The following RP1L1 variants were observed in gnomAD, a reference collection of about 807,000 sequenced individuals.
RP1L1 encodes retinitis pigmentosa 1-like 1 protein.
RP1L1 carries 27 observed loss-of-function variants against 15.7 expected under a neutral mutation model. That is an observed-to-expected ratio of 1.72 (90% confidence interval 1.27 to 2.38). The LOEUF (loss-of-function observed/expected upper bound fraction) is 2.38. Among genes scored for constraint, RP1L1 ranks in the 30% most tolerant of loss-of-function variants. The pLI is 0.00. For missense variants in RP1L1, 4,798 were observed against 3,075.9 expected, an observed-to-expected ratio of 1.56 and a Z score of -13.24; for synonymous variants, 1,813 against 1,276.7, an observed-to-expected ratio of 1.42 and a Z score of -8.96.
rs1005515559 is a variant in RP1L1 at position 10,610,213 on chromosome 8, G to A, written c.3885C>T (p.Asn1295=). 5 of 1,450,258 alleles carry A rather than the reference G, an allele frequency of 3.4e-6. No individual in the cohort carries two copies. The highest frequency in any genetic ancestry group is 1.1e-5 in the South Asian group (1 of 87,510). 89.8% of individuals were successfully genotyped at this position (1,450,258 alleles called of 1,614,324 possible). ...CTAATTGCACCTCTTCTTGCACTGT[G>A]TTTTCAGCTAACTGCTCCAGGTTCG... ...ASSNLEQLAE[N]TVQEEVQLEE... The change falls in exon 4 of 4, where the codon AAC becomes AAT. Residue 1295 remains asparagine, a synonymous_variant. Transcript: ENST00000382483.
Position 10,622,824 on chromosome 8 carries a change from A to G in RP1L1, c.378T>C (p.Ala126=), listed in dbSNP as rs751975624. 3.8e-5 allele frequency: 61 copies of G among 1,613,072 alleles called. No homozygotes were observed. The highest frequency in any genetic ancestry group is 8.5e-7 in the Non-Finnish European group (1 of 1,179,544). The part of the protein sequence containing the change: ...PGRPQERNPT[A]QQLRDVEGQR... ...GGCCTTCGACATCCCGCAACTGCTG[A>G]GCAGTGGGGTTTCTCTCCTGTGGCC... Residue 126 remains alanine (A), a synonymous_variant, in exon 2 of 4, where the codon GCT becomes GCC. Transcript: ENST00000382483.
chr8:10,616,307 G>T, intron 3 of RP1L1, 139 bp downstream of exon 3: 1 of 1,106,462 alleles, frequency 9.0e-7, no homozygotes. Flanking sequence ...AGAGGCAAGA[G>T]AGATCCCAAA....
Position 10,626,118 on chromosome 8 carries a change from C to T in RP1L1, c.-19-2898G>A, listed in dbSNP as rs139936616. Among the ~76,000 whole-genome samples, 4 of 152,118 alleles carry T rather than the reference C, an allele frequency of 2.6e-5. No homozygotes were observed. The East Asian group carries it at 5.8e-4, about 22-fold the overall frequency. On this transcript the variant is annotated intron_variant, in intron 1 of 3. Coordinates refer to ENST00000382483, the MANE Select transcript of RP1L1 (RefSeq NM_178857.6). ...CCTGTGGAGGAAGGGGCAGGGCGGA[C>T]CTGCAGGGAGGAAACAGTTTTGTTG...
intron 3 of RP1L1, among the ~76,000 whole-genome samples, chr8:10,613,842 A>G (rs886162239): frequency 1.3e-5 from 2 of 152,132 alleles, no homozygotes; most frequent in African/African-American, 4.8e-5. Context: ...TAGAATGACC[A>G]TCCACAGAGC....
Position 10,623,217 on chromosome 8 carries a change from G to A in RP1L1, c.-16C>T. ...TGCTGTTCATGGTGTGGGGGCTCTGGCCGCTGTAACAGGGCAGAGGAAGAG... is the reference window on the plus strand; with the variant it reads ...TGCTGTTCATGGTGTGGGGGCTCTGACCGCTGTAACAGGGCAGAGGAAGAG... On this transcript the variant is annotated 5_prime_UTR_variant, in exon 2 of 4. Transcript: ENST00000382483. 1 of 1,535,098 alleles carries A rather than the reference G, an allele frequency of 6.5e-7. No homozygotes were observed. Among genetic ancestry groups the A allele is most frequent in the Non-Finnish European group, 8.7e-7 (1 of 1,143,282 alleles).
At chr8:10,628,647 G>A (rs778972056) in intron 1 of RP1L1, among the ~76,000 whole-genome samples, 4 of 152,160 alleles carry the variant, frequency 2.6e-5, no homozygotes, top group Non-Finnish European at 5.9e-5. Flanking sequence ...AAGAAATCAC[G>A]TTCCTGAATA....
At chr8:10,634,416 C>T (rs4455791) in intron 1 of RP1L1, among the ~76,000 whole-genome samples, 129,001 of 152,130 alleles carry the variant, frequency 0.85, 54,895 homozygotes, top group East Asian at 0.92. Context: ...CTGTGAGGCT[C>T]CTCCCGGCAT....
chr8:10,646,484 G>C (rs1798480082), intron 1 of RP1L1, among the ~76,000 whole-genome samples: 2 of 152,152 alleles, frequency 1.3e-5, no homozygotes, highest in Non-Finnish European at 2.9e-5. Context: ...GCCCACGAGA[G>C]GATGGAGCCA....
intron 1 of RP1L1, among the ~76,000 whole-genome samples, chr8:10,638,714 G>C (rs1226753814): frequency 6.6e-6 from 1 of 152,198 alleles, no homozygotes; most frequent in African/African-American, 2.4e-5. Context: ...TAACGTAGCT[G>C]GGACTAGGGC....
Position 10,623,131 on chromosome 8 carries a change from G to A in RP1L1, c.71C>T (p.Thr24Ile), listed in dbSNP as rs771358254. The A allele has an allele frequency of 7.5e-5, 121 of 1,609,740 alleles. No homozygotes were observed. The highest frequency in any genetic ancestry group is 2.2e-4 in the East Asian group (10 of 44,868). ...RECFLPSVAR[T>I]PSVTKVTPAK... is the part of the protein sequence containing the mutation. Reference sequence around the variant, plus strand: ...TGGCGTGACCTTGGTGACCGAGGGGGTGCGAGCCACAGAGGGCAGGAAGCA... The same window carrying A: ...TGGCGTGACCTTGGTGACCGAGGGGATGCGAGCCACAGAGGGCAGGAAGCA... Residue 24 changes from threonine (T) to isoleucine (I), a missense_variant, in exon 2 of 4, where the codon ACC becomes ATC. Thr to Ile is a moderately conservative substitution (Grantham distance 89). Transcript: ENST00000382483.
rs771759799 is a variant in RP1L1, at chr8:10,612,271, C to T, written c.1827G>A (p.Glu609=). 3.0e-5 allele frequency: 49 copies of T among 1,613,242 alleles called. No individual in the cohort carries two copies. The highest frequency in any genetic ancestry group is 4.1e-5 in the Non-Finnish European group (48 of 1,180,030). The change falls in exon 4 of 4, where the codon GAG becomes GAA. Residue 609 remains glutamate (E), a synonymous_variant. Transcript: ENST00000382483. Reference sequence around the variant, plus strand: ...AGCAGGAAAGGCCCAGAACCAGAGGCTCCCTTGTCACAGCCGCTCCCGTGG... The same window carrying T: ...AGCAGGAAAGGCCCAGAACCAGAGGTTCCCTTGTCACAGCCGCTCCCGTGG... The part of the protein sequence containing the change: ...EQATGAAVTR[E]PLVLGLSCSW...
intron 3 of RP1L1, 64 bp from the exon 4 acceptor site, chr8:10,613,410 G>T: frequency 6.3e-7 from 1 of 1,591,538 alleles, no homozygotes; most frequent in Non-Finnish European, 8.5e-7. Context: ...GCAGCATCAG[G>T]ATAAAGGAAT....
chr8:10,633,228 C>T (rs561954693), intron 1 of RP1L1, among the ~76,000 whole-genome samples: 37 of 152,280 alleles, frequency 2.4e-4, no homozygotes, highest in Admixed American at 4.6e-4. Context: ...CTCACAAAGC[C>T]GCAGCCAGGT....
intron 1 of RP1L1, among the ~76,000 whole-genome samples, chr8:10,642,993 A>C (rs1475824483): frequency 6.6e-6 from 1 of 152,192 alleles, no homozygotes; most frequent in Admixed American, 6.5e-5. Flanking sequence ...TTCCTATGGA[A>C]TTATCTCCTT....
chr8:10,636,821 G>T (rs1585994552), intron 1 of RP1L1, among the ~76,000 whole-genome samples: 1 of 152,316 alleles, frequency 6.6e-6, no homozygotes, highest in African/African-American at 2.4e-5. Context: ...CTCCCTCCTG[G>T]CTATCCCTGG....
chr8:10,638,275 A>C (rs1233600480), intron 1 of RP1L1, among the ~76,000 whole-genome samples: 1 of 152,232 alleles, frequency 6.6e-6, no homozygotes, highest in Admixed American at 6.5e-5. Context: ...ATTCCCACCG[A>C]GGTCTGGTCG....
chr8:10,613,938 T>G (rs1004736772), intron 3 of RP1L1, among the ~76,000 whole-genome samples: 1 of 152,210 alleles, frequency 6.6e-6, no homozygotes, highest in Non-Finnish European at 1.5e-5. Flanking sequence ...GCTGCGTAGT[T>G]TTTGGCAGAG....
chr8:10,612,508 C>A lies in RP1L1; in HGVS notation c.1590G>T (p.Gly530=). 1 of 1,612,184 alleles carries A rather than the reference C, an allele frequency of 6.2e-7. No individual in the cohort carries two copies. The highest frequency in any genetic ancestry group is 8.5e-7 in the Non-Finnish European group (1 of 1,179,950). The change falls in exon 4 of 4, where the codon GGG becomes GGT. Residue 530 remains glycine, a synonymous_variant. Transcript: ENST00000382483. ...RLTPRARSEE[G]ASSDSSASTG... ...TGCTGGCTGACGAGTCCGAAGAAGC[C>A]CCCTCCTCACTCCGGGCCCTCGGTG...
chr8:10,614,368 AG>A (rs1419121721), intron 3 of RP1L1, among the ~76,000 whole-genome samples: 1 of 152,188 alleles, frequency 6.6e-6, no homozygotes, highest in Non-Finnish European at 1.5e-5. Flanking sequence ...AGTGGCTCTA[AG>A]AAAGAATGAG....
Sources: allele counts gnomAD v4.1 joint callset (sites outside exome capture counted in the v4.1 genomes callset), GRCh38; gene constraint gnomAD v4.1.1; transcripts MANE v1.5; gene names NCBI Gene and HGNC (gene_info 2026-07-23, HGNC 2026-07-21).